TLL1: variants seen among roughly 807,000 people sequenced by gnomAD.
TLL1 encodes tolloid-like protein 1.
A neutral mutation model predicts 128.2 loss-of-function variants in TLL1; 49 were observed. That is an observed-to-expected ratio of 0.38 (90% CI 0.30 to 0.48). The LOEUF (loss-of-function observed/expected upper bound fraction) is 0.48, where lower values mean the gene tolerates loss of function less well. TLL1 is among the 20% of genes least tolerant of loss of function. The pLI, the probability that TLL1 is intolerant of heterozygous loss-of-function variation, is 0.96. For missense variants in TLL1, 1,123 were observed against 1,242.0 expected (o/e 0.90, Z 1.44); for synonymous variants, 454 against 418.8 (o/e 1.08, Z -1.03).
intron 12 of TLL1, among the ~76,000 whole-genome samples, chr4:166,050,732 C>T (rs1196857943): frequency 6.6e-6 from 1 of 152,160 alleles, no homozygotes. Context: ...CCCACATGCA[C>T]TGACCACTAA....
chr4:166,018,549 T>G (rs1478046203), intron 8 of TLL1, among the ~76,000 whole-genome samples: 1 of 152,078 alleles, frequency 6.6e-6, no homozygotes, highest in Non-Finnish European at 1.5e-5. Context: ...ATCCACAAAC[T>G]ACACATCTGA....
intron 1 of TLL1, among the ~76,000 whole-genome samples, chr4:165,914,325 TC>T (rs1732683405): frequency 6.6e-6 from 1 of 152,028 alleles, no homozygotes; most frequent in African/African-American, 2.4e-5. Context: ...GCTATTTTTT[TC>T]CCCAGAATTT....
chr4:165,994,229 A>G, intron 3 of TLL1, 152 bp from the exon 4 acceptor site: 1 of 774,010 alleles, frequency 1.3e-6, no homozygotes, highest in Non-Finnish European at 2.1e-6. Context: ...CAAGTATGTA[A>G]TATAACTGAA....
Position 166,032,373 on chromosome 4 carries a change from T to C in TLL1, c.1158+6942T>C, listed in dbSNP as rs1008665595. On this transcript the variant is annotated intron_variant, in intron 9 of 20. Transcript: ENST00000061240. ...TCTAGAGTTTATCTTAAAAATAAAATAGTTGGCAAATTCACAAACAATGGT... is the reference window on the plus strand; with the variant it reads ...TCTAGAGTTTATCTTAAAAATAAAACAGTTGGCAAATTCACAAACAATGGT... Among the ~76,000 whole-genome samples the C allele has an allele frequency of 1.2e-4, 18 of 152,192 alleles. No individual in the cohort carries two copies. The South Asian group carries it at 2.9e-3, about 25-fold the overall frequency.
At chr4:165,916,369 TTGAG>T (rs1732775000) in intron 1 of TLL1, among the ~76,000 whole-genome samples, 1 of 152,196 alleles carries the variant, frequency 6.6e-6, no homozygotes, top group African/African-American at 2.4e-5. Context: ...TTAAAACTAA[TTGAG>T]TGCACACTTA....
intron 7 of TLL1, among the ~76,000 whole-genome samples, chr4:166,010,255 G>A (rs147793547): frequency 2.6e-5 from 4 of 151,184 alleles, no homozygotes; most frequent in African/African-American, 9.7e-5. Context: ...TGCCTCTTGT[G>A]AATAATGCTA....
chr4:165,889,643 G>A lies in TLL1; in HGVS notation c.169+15570G>A, dbSNP rs149817432. On this transcript the variant is annotated intron_variant, in intron 1 of 20. Coordinates refer to ENST00000061240, the MANE Select transcript of TLL1 (RefSeq NM_012464.5). ...TTAACTTTGTGGAACAGCTAAGTAG[G>A]ATTATGCTTTTCTTTGTCAGTGAGG... Among the ~76,000 whole-genome samples, 295 of 152,284 alleles carry A rather than the reference G, an allele frequency of 1.9e-3. 1 individual carries two copies. The highest frequency in any genetic ancestry group is 3.6e-3 in the Non-Finnish European group (248 of 68,012).
At chr4:166,095,046 A>G (rs1052776498) in intron 19 of TLL1, among the ~76,000 whole-genome samples, 1 of 152,182 alleles carries the variant, frequency 6.6e-6, no homozygotes, top group Non-Finnish European at 1.5e-5. Context: ...TGCTACGTGT[A>G]TAAAGCATTT....
intron 1 of TLL1, among the ~76,000 whole-genome samples, chr4:165,971,089 T>C (rs1418676105): frequency 6.6e-6 from 1 of 152,208 alleles, no homozygotes; most frequent in African/African-American, 2.4e-5. Flanking sequence ...TCTACTTATA[T>C]GTAAATAATT....
intron 12 of TLL1, chr4:166,044,551 G>T: frequency 5.6e-6 from 5 of 900,310 alleles, no homozygotes; most frequent in South Asian, 1.9e-5. Context: ...TCATTATGTT[G>T]TATTTTATGC....
At chr4:165,982,272 A>G (rs555544786) in intron 1 of TLL1, among the ~76,000 whole-genome samples, 1 of 147,694 alleles carries the variant, frequency 6.8e-6, no homozygotes, top group South Asian at 2.1e-4. Flanking sequence ...GACACTATGA[A>G]ACTTCTAAAG....
At chr4:165,911,013 G>A (rs958301024) in intron 1 of TLL1, among the ~76,000 whole-genome samples, 2 of 152,086 alleles carry the variant, frequency 1.3e-5, no homozygotes, top group Non-Finnish European at 2.9e-5. Flanking sequence ...ATCACTTTGA[G>A]CATTTATCAT....
intron 1 of TLL1, among the ~76,000 whole-genome samples, chr4:165,976,295 T>C (rs1735882866): frequency 6.6e-6 from 1 of 152,116 alleles, no homozygotes; most frequent in African/African-American, 2.4e-5. Flanking sequence ...TTTTATTATA[T>C]ACAAGGAACA....
chr4:165,966,705 T>C (rs1735395597), intron 1 of TLL1, among the ~76,000 whole-genome samples: 1 of 152,074 alleles, frequency 6.6e-6, no homozygotes, highest in South Asian at 2.1e-4. Context: ...GTTTTTATTA[T>C]GGATTTCAAA....
rs1738710951 is a variant in TLL1 at position 166,030,398 on chromosome 4, G to T, written c.1158+4967G>T. ...ACTGTAGAAGTTTTTATATATTCTG[G>T]TTATTAAGCACTGATTAGAGATATG... On this transcript the variant is annotated intron_variant, in intron 9 of 20. Coordinates refer to ENST00000061240, the MANE Select transcript of TLL1 (RefSeq NM_012464.5). The T allele has an allele frequency of 1.3e-5, 6 of 450,754 alleles. 1 individual carries two copies. In the South Asian group the frequency reaches 3.0e-4, roughly 22 times the overall value. The allele number at this position is 450,754 out of a possible 1,614,324, so 27.9% of individuals were successfully genotyped here. A position where few individuals can be genotyped will look rare whatever the true frequency, so the allele number is the denominator to read the frequency against.
At chr4:165,976,251 A>G (rs1207668363) in intron 1 of TLL1, among the ~76,000 whole-genome samples, 1 of 152,146 alleles carries the variant, frequency 6.6e-6, no homozygotes, top group Non-Finnish European at 1.5e-5. Context: ...TGTTCAGGAT[A>G]TCTGATGAAT....
chr4:166,064,618 C>T (rs1311651682), intron 15 of TLL1, among the ~76,000 whole-genome samples: 2 of 152,062 alleles, frequency 1.3e-5, no homozygotes, highest in Non-Finnish European at 2.9e-5. Context: ...TGAGCAAAAA[C>T]TTGACTTACA....
At chr4:165,880,654 G>C (rs1730931986) in intron 1 of TLL1, among the ~76,000 whole-genome samples, 2 of 152,194 alleles carry the variant, frequency 1.3e-5, no homozygotes, top group Non-Finnish European at 2.9e-5. Context: ...AGTCAGGGGA[G>C]TTGTTACGGA....
intron 1 of TLL1, among the ~76,000 whole-genome samples, chr4:165,951,482 A>C (rs1734513671): frequency 6.6e-6 from 1 of 152,164 alleles, no homozygotes; most frequent in African/African-American, 2.4e-5. Flanking sequence ...TATTATCTTC[A>C]TTTAGACAGT....
Sources: allele counts gnomAD v4.1 joint callset (sites outside exome capture counted in the v4.1 genomes callset), GRCh38; gene constraint gnomAD v4.1.1; transcripts MANE v1.5; gene names NCBI Gene and HGNC (gene_info 2026-07-23, HGNC 2026-07-21).